The following C12orf42 variants were observed in gnomAD, a reference collection of about 807,000 sequenced individuals.
C12orf42 encodes the protein chromosome 12 open reading frame 42.
In C12orf42, 25 loss-of-function variants were observed where a neutral mutation model predicts 21.6. The ratio of observed to expected loss-of-function variants is 1.16; its 90% confidence interval spans 0.84 to 1.62. The LOEUF is 1.62. C12orf42 is among the 40% of genes most tolerant of loss of function. The pLI is 0.00. For synonymous variants in C12orf42, 174 were observed against 175.0 expected, an observed-to-expected ratio of 0.99 and a Z score of 0.05; for missense variants, 483 against 459.3, an observed-to-expected ratio of 1.05 and a Z score of -0.47.
chr12:103,068,603 C>A, the C12orf42 span, among the ~76,000 whole-genome samples: 2 of 151,912 alleles, frequency 1.3e-5, no homozygotes, highest in Non-Finnish European at 2.9e-5. Context: ...CTGGGAAAGG[C>A]AGACCCACCC....
chr12:103,493,272 C>A (rs1199644333), intron 1 of C12orf42, among the ~76,000 whole-genome samples: 1 of 152,204 alleles, frequency 6.6e-6, no homozygotes, highest in Admixed American at 6.5e-5. Context: ...GCTAATCTCT[C>A]AAACCTCATC....
At chr12:103,102,897 G>A in the C12orf42 span, among the ~76,000 whole-genome samples, 1 of 152,002 alleles carries the variant, frequency 6.6e-6, no homozygotes, top group African/African-American at 2.4e-5. Flanking sequence ...CCTTAGAGTT[G>A]TAGGGCTGAA....
In C12orf42 at chr12:103,391,161, T is replaced by TTA. The variant is rs143705802; in HGVS notation, c.147+10444_147+10445dup. On this transcript the variant is annotated intron_variant, in intron 3 of 5. Coordinates refer to ENST00000548883, the MANE Select transcript of C12orf42 (RefSeq NM_198521.5). ...TTTTATGATTGAATCATATTCGGTT[T>TTA]TATATATATATATATATTTATCCAT... is the stretch of plus-strand genomic sequence containing the variant. 4.4e-3 allele frequency among the ~76,000 whole-genome samples: 658 copies of TTA among 150,688 alleles called. 2 individuals carry two copies. The highest frequency in any genetic ancestry group is 6.8e-3 in the Non-Finnish European group (461 of 67,558).
chr12:103,520,236 G>A, the C12orf42 span, among the ~76,000 whole-genome samples: 3 of 152,152 alleles, frequency 2.0e-5, no homozygotes, highest in African/African-American at 7.2e-5. Context: ...GACATTAGGA[G>A]AGAGTGGTGA....
chr12:103,555,173 G>A, the C12orf42 span, among the ~76,000 whole-genome samples: 13 of 152,126 alleles, frequency 8.5e-5, no homozygotes, highest in African/African-American at 3.1e-4. Context: ...CCATTTCCAT[G>A]TTGCTAATAA....
the C12orf42 span, among the ~76,000 whole-genome samples, chr12:103,216,995 A>G: frequency 1.3e-5 from 2 of 151,706 alleles, no homozygotes; most frequent in African/African-American, 4.8e-5. Context: ...GGCACGCACC[A>G]CCACCCCTGG....
chr12:103,499,151 C>T (rs914074168), upstream of C12orf42, among the ~76,000 whole-genome samples: 7 of 152,148 alleles, frequency 4.6e-5, no homozygotes, highest in Middle Eastern at 6.8e-3. Flanking sequence ...GGGGATAAAC[C>T]TTCAGTTACA....
intron 4 of C12orf42, 38 bp downstream of exon 4, chr12:103,368,847 TGG>T: frequency 9.2e-7 from 1 of 1,082,948 alleles, no homozygotes; most frequent in Admixed American, 2.3e-5. Flanking sequence ...AGAGTTTCTT[TGG>T]AAACTCTGGT....
chr12:103,276,381 T>C (rs2035773660), intron 5 of C12orf42, among the ~76,000 whole-genome samples: 1 of 152,198 alleles, frequency 6.6e-6, no homozygotes, highest in African/African-American at 2.4e-5. Flanking sequence ...TGTTAATCCT[T>C]GATAATTACT....
At chr12:103,256,615 G>A (rs1050784880) in intron 10 of C12orf42, among the ~76,000 whole-genome samples, 22 of 152,168 alleles carry the variant, frequency 1.4e-4, no homozygotes, top group African/African-American at 5.3e-4. Context: ...CTAATACCAA[G>A]TGAGTTGAAA....
chr12:103,134,595 GA>G, the C12orf42 span, among the ~76,000 whole-genome samples: 87 of 151,922 alleles, frequency 5.7e-4, no homozygotes, highest in African/African-American at 2.0e-3. Context: ...TAAGAAGAAT[GA>G]AAAAAGCCTA....
chr12:103,506,845 A>ATT, the C12orf42 span, among the ~76,000 whole-genome samples: 12 of 74,636 alleles, frequency 1.6e-4, no homozygotes, highest in Non-Finnish European at 2.8e-4. Context: ...TTATATATAT[A>ATT]TATATTTATA....
At chr12:103,557,624 G>A in the C12orf42 span, 1 of 152,134 alleles carries the variant, frequency 6.6e-6, no homozygotes, top group Non-Finnish European at 1.5e-5. Context: ...TCCCAACCCT[G>A]GGCTGAGATT....
chr12:103,555,003 C>A, the C12orf42 span, among the ~76,000 whole-genome samples: 234 of 152,204 alleles, frequency 1.5e-3, no homozygotes, highest in African/African-American at 5.4e-3. Flanking sequence ...GTTTTTCAAG[C>A]CCCCTGTCAT....
intron 3 of C12orf42, among the ~76,000 whole-genome samples, chr12:103,392,584 T>G (rs763975707): frequency 1.1e-4 from 17 of 148,832 alleles, no homozygotes; most frequent in Non-Finnish European, 2.2e-4. Flanking sequence ...TTCTTTTTGA[T>G]GCAATTTTAA....
chr12:103,369,853 T>C (rs1223500640), intron 3 of C12orf42, among the ~76,000 whole-genome samples: 1 of 151,872 alleles, frequency 6.6e-6, no homozygotes, highest in Non-Finnish European at 1.5e-5. Flanking sequence ...CAAAAGCAAT[T>C]GCAACAAAAA....
rs571734728 is a variant in C12orf42, at chr12:103,399,898, T to C, written c.147+1709A>G. 3.3e-5 allele frequency among the ~76,000 whole-genome samples: 5 copies of C among 152,240 alleles called. No individual in the cohort carries two copies. The South Asian group carries it at 1.0e-3, about 32-fold the overall frequency. On this transcript the variant is annotated intron_variant, in intron 3 of 5. Coordinates refer to ENST00000548883, the MANE Select transcript of C12orf42 (RefSeq NM_198521.5). Reference sequence around the variant, plus strand: ...ATCTGACATATATGATAGTATGTTATATATGATATATGTTTCATATACATG... The same window carrying C: ...ATCTGACATATATGATAGTATGTTACATATGATATATGTTTCATATACATG...
chr12:103,092,274 G>C, the C12orf42 span, among the ~76,000 whole-genome samples: 1 of 152,166 alleles, frequency 6.6e-6, no homozygotes, highest in African/African-American at 2.4e-5. Flanking sequence ...TGTTCCGGGG[G>C]ATATGCTTTG....
intron 4 of C12orf42, among the ~76,000 whole-genome samples, chr12:103,279,815 C>A (rs2035995215): frequency 6.6e-6 from 1 of 152,096 alleles, no homozygotes; most frequent in Non-Finnish European, 1.5e-5. Context: ...AGATGGGACA[C>A]CATGGCATGG....
Sources: allele counts gnomAD v4.1 joint callset (sites outside exome capture counted in the v4.1 genomes callset), GRCh38; gene constraint gnomAD v4.1.1; transcripts MANE v1.5; gene names NCBI Gene and HGNC (gene_info 2026-07-23, HGNC 2026-07-21).